The following GRIA4 variants were observed in gnomAD, a reference collection of about 807,000 sequenced individuals.
The protein encoded by GRIA4 is glutamate ionotropic receptor AMPA type subunit 4.
In GRIA4, 34 loss-of-function variants were observed where a neutral mutation model predicts 104.0. The observed-to-expected ratio is 0.33, with a 90% confidence interval of 0.25 to 0.44. GRIA4 has a LOEUF of 0.44. GRIA4 is among the 20% of genes least tolerant of loss of function. The pLI is 1.00. For missense variants in GRIA4, 750 were observed against 1,096.5 expected, an observed-to-expected ratio of 0.68 and a Z score of 4.46; for synonymous variants, 386 against 381.9, an observed-to-expected ratio of 1.01 and a Z score of -0.13.
chr11:105,669,926 C>G (rs933532185), intron 3 of GRIA4, among the ~76,000 whole-genome samples: 1 of 152,038 alleles, frequency 6.6e-6, no homozygotes, highest in Non-Finnish European at 1.5e-5. Flanking sequence ...TATTTTAAAA[C>G]AGACATCTAG....
At chr11:105,927,912 T>G (rs952461045) in intron 13 of GRIA4, among the ~76,000 whole-genome samples, 1 of 152,020 alleles carries the variant, frequency 6.6e-6, no homozygotes, top group African/African-American at 2.4e-5. Context: ...TTTAATAGCA[T>G]AGAAGACAGA....
At chr11:105,822,453 G>A (rs1427355720) in intron 4 of GRIA4, among the ~76,000 whole-genome samples, 1 of 152,076 alleles carries the variant, frequency 6.6e-6, no homozygotes, top group Non-Finnish European at 1.5e-5. Context: ...CAAAGTCTTA[G>A]GAGGGAAATT....
At chr11:105,713,318 G>T (rs542674332) in intron 3 of GRIA4, among the ~76,000 whole-genome samples, 1 of 151,810 alleles carries the variant, frequency 6.6e-6, no homozygotes, top group African/African-American at 2.4e-5. Flanking sequence ...AGAGGTGGAG[G>T]CTGCAGTGAG....
intron 3 of GRIA4, among the ~76,000 whole-genome samples, chr11:105,670,116 G>C (rs1050808700): frequency 5.9e-5 from 9 of 152,184 alleles, no homozygotes; most frequent in African/African-American, 1.7e-4. Flanking sequence ...CAGAATAAAA[G>C]AGTAATGAGA....
intron 3 of GRIA4, 133 bp downstream of exon 3, chr11:105,612,567 CAG>C: frequency 1.5e-6 from 1 of 660,480 alleles, no homozygotes; most frequent in East Asian, 2.8e-5. Flanking sequence ...CAGGACAAAT[CAG>C]AGTTAAAAAC....
chr11:105,911,119 G>A (rs1461877274), intron 10 of GRIA4, among the ~76,000 whole-genome samples: 1 of 151,728 alleles, frequency 6.6e-6, no homozygotes, highest in Admixed American at 6.6e-5. Context: ...ATGAGAAAAG[G>A]GTTTTCTTCC....
intron 4 of GRIA4, among the ~76,000 whole-genome samples, chr11:105,789,610 C>T (rs1385901317): frequency 6.6e-6 from 1 of 152,100 alleles, no homozygotes; most frequent in East Asian, 1.9e-4. Flanking sequence ...CCATGAGCAG[C>T]TCTACCTCTT....
chr11:105,645,761 A>C (rs1356727495), intron 3 of GRIA4, among the ~76,000 whole-genome samples: 2 of 152,218 alleles, frequency 1.3e-5, no homozygotes, highest in Non-Finnish European at 2.9e-5. Context: ...GTAATGACAG[A>C]TAAGATATTA....
chr11:105,902,584 C>T (rs1299597719), intron 7 of GRIA4, among the ~76,000 whole-genome samples: 1 of 152,146 alleles, frequency 6.6e-6, no homozygotes, highest in Non-Finnish European at 1.5e-5. Flanking sequence ...ATCCACCCAC[C>T]TCAACTTCCC....
intron 5 of GRIA4, among the ~76,000 whole-genome samples, chr11:105,875,802 C>T (rs888630817): frequency 6.6e-6 from 1 of 152,068 alleles, no homozygotes. Flanking sequence ...ATTCTTCTCT[C>T]TTTTCTTCTT....
At chr11:105,669,389 C>CATAT (rs35309516) in intron 3 of GRIA4, among the ~76,000 whole-genome samples, 2 of 151,516 alleles carry the variant, frequency 1.3e-5, no homozygotes, top group African/African-American at 2.4e-5. Context: ...TATATCATGT[C>CATAT]ATATATATAT....
intron 4 of GRIA4, among the ~76,000 whole-genome samples, chr11:105,858,059 G>A (rs913630330): frequency 6.6e-6 from 1 of 151,964 alleles, no homozygotes; most frequent in Non-Finnish European, 1.5e-5. Context: ...TAACATAATT[G>A]ATAAAATCTT....
intron 10 of GRIA4, chr11:105,912,322 T>A (rs1454379358): frequency 1.0e-6 from 1 of 976,860 alleles, no homozygotes. Flanking sequence ...TTTTGCCTGT[T>A]CTGTGTGAAA....
chr11:105,858,815 C>A (rs1338783365), intron 4 of GRIA4, among the ~76,000 whole-genome samples: 1 of 152,128 alleles, frequency 6.6e-6, no homozygotes, highest in Non-Finnish European at 1.5e-5. Flanking sequence ...CCAGTTCCCA[C>A]ATCTTTATCT....
At chr11:105,810,763 C>T (rs138873898) in intron 4 of GRIA4, among the ~76,000 whole-genome samples, 314 of 152,214 alleles carry the variant, frequency 2.1e-3, no homozygotes, top group Non-Finnish European at 3.1e-3. Context: ...CCCCCCACCC[C>T]ACCCTAGCAC....
rs956360763 is a variant in GRIA4, at chr11:105,980,442, T to A, written c.*703T>A. Reference sequence around the variant, plus strand: ...CATCACTGTAATAAACTTTAGAGACTTTTTTTTATAAAAGTTGTTGGTCAT... The same window carrying A: ...CATCACTGTAATAAACTTTAGAGACATTTTTTTATAAAAGTTGTTGGTCAT... On this transcript the variant is annotated 3_prime_UTR_variant, in exon 17 of 17. Coordinates refer to ENST00000282499, the MANE Select transcript of GRIA4 (RefSeq NM_000829.4). The A allele has an allele frequency of 6.6e-6, 1 of 150,958 alleles. No homozygotes were observed. The highest frequency in any genetic ancestry group is 1.5e-5 in the Non-Finnish European group (1 of 67,972). The allele number at this position is 150,958 out of a possible 1,614,324, so 9.4% of individuals were successfully genotyped here. A position where few individuals can be genotyped will look rare whatever the true frequency, so the allele number is the denominator to read the frequency against.
intron 3 of GRIA4, among the ~76,000 whole-genome samples, 194 bp from the exon 4 acceptor site, chr11:105,752,787 T>C (rs1940079618): frequency 6.6e-6 from 1 of 152,226 alleles, no homozygotes; most frequent in African/African-American, 2.4e-5. Flanking sequence ...ATGTAAGCCT[T>C]TGAGTACAAG....
At chr11:105,665,822 A>T (rs569581291) in intron 3 of GRIA4, among the ~76,000 whole-genome samples, 1 of 152,022 alleles carries the variant, frequency 6.6e-6, no homozygotes, top group Non-Finnish European at 1.5e-5. Flanking sequence ...ACTTCCTTCA[A>T]TGAATTTAAT....
At chr11:105,650,373 C>G (rs1256038526) in intron 3 of GRIA4, among the ~76,000 whole-genome samples, 1 of 152,012 alleles carries the variant, frequency 6.6e-6, no homozygotes, top group Non-Finnish European at 1.5e-5. Context: ...GTGGGAATTC[C>G]CAGTATCTAC....
Sources: allele counts gnomAD v4.1 joint callset (sites outside exome capture counted in the v4.1 genomes callset), GRCh38; gene constraint gnomAD v4.1.1; transcripts MANE v1.5; gene names NCBI Gene and HGNC (gene_info 2026-07-23, HGNC 2026-07-21).